The following NXPE2 variants were observed in gnomAD, a reference collection of about 807,000 sequenced individuals.
The protein encoded by NXPE2 is neurexophilin and PC-esterase domain family member 2.
Under a neutral mutation model 34.4 loss-of-function variants are expected in NXPE2, and 34 were observed. That is an observed-to-expected ratio of 0.99 (90% CI 0.75 to 1.31). The LOEUF (loss-of-function observed/expected upper bound fraction) is 1.31, where lower values mean the gene tolerates loss of function less well. Ranked by LOEUF, NXPE2 falls within the 40% of genes most tolerant of loss-of-function variation. The pLI is 0.00. For synonymous variants in NXPE2, 235 were observed against 231.3 expected (o/e 1.02, Z -0.15); for missense variants, 649 against 672.5 (o/e 0.97, Z 0.39).
At chr11:114,716,589 A>G in the NXPE2 span, among the ~76,000 whole-genome samples, 1 of 152,260 alleles carries the variant, frequency 6.6e-6, no homozygotes, top group Admixed American at 6.5e-5. Flanking sequence ...TGGTCAGTGT[A>G]TATGGAGAGG....
chr11:114,544,460 A>G, the NXPE2 span, among the ~76,000 whole-genome samples: 2 of 152,248 alleles, frequency 1.3e-5, no homozygotes, highest in Non-Finnish European at 1.5e-5. Context: ...ACATAGGCAC[A>G]AAGGCAATTT....
At chr11:114,554,148 T>A in the NXPE2 span, 1 of 985,330 alleles carries the variant, frequency 1.0e-6, no homozygotes, top group African/African-American at 1.7e-5. Context: ...CAGGATTGAA[T>A]CAATGTACAG....
the NXPE2 span, among the ~76,000 whole-genome samples, chr11:114,560,603 TGGGGAA>T: frequency 1.3e-5 from 2 of 152,076 alleles, no homozygotes; most frequent in Non-Finnish European, 2.9e-5. Flanking sequence ...ATCTAATAAA[TGGGGAA>T]GGACTATTTG....
At chr11:114,635,818 C>A in the NXPE2 span, among the ~76,000 whole-genome samples, 66 of 152,190 alleles carry the variant, frequency 4.3e-4, no homozygotes, top group African/African-American at 1.6e-3. Flanking sequence ...ATGAAGCCCA[C>A]TTGATCATGG....
At chr11:114,697,386 T>C (rs1420791197) in intron 2 of NXPE2, among the ~76,000 whole-genome samples, 1 of 152,204 alleles carries the variant, frequency 6.6e-6, no homozygotes, top group African/African-American at 2.4e-5. Context: ...GAGACATGTA[T>C]GGAATATATT....
At chr11:114,753,194 C>A in the NXPE2 span, among the ~76,000 whole-genome samples, 1 of 151,984 alleles carries the variant, frequency 6.6e-6, no homozygotes, top group African/African-American at 2.4e-5. Flanking sequence ...GAGTTTGAGA[C>A]CAGCCTAGGC....
chr11:114,644,576 A>C, the NXPE2 span, among the ~76,000 whole-genome samples: 1 of 152,216 alleles, frequency 6.6e-6, no homozygotes, highest in East Asian at 1.9e-4. Flanking sequence ...AAATTAAAAT[A>C]AGATATAAAA....
At chr11:114,743,598 C>T in the NXPE2 span, among the ~76,000 whole-genome samples, 2 of 151,908 alleles carry the variant, frequency 1.3e-5, no homozygotes, top group African/African-American at 4.8e-5. Flanking sequence ...ATGCTATTGC[C>T]TACTTTTTAT....
chr11:114,802,181 T>G, the NXPE2 span, among the ~76,000 whole-genome samples: 2 of 151,962 alleles, frequency 1.3e-5, no homozygotes, highest in African/African-American at 4.8e-5. Context: ...TTGGCAAGAG[T>G]GGGTCTGACC....
the NXPE2 span, among the ~76,000 whole-genome samples, chr11:114,508,844 A>C: frequency 2.6e-5 from 4 of 151,450 alleles, no homozygotes; most frequent in East Asian, 1.9e-4. Context: ...ACAGGCAAAG[A>C]TTTCATGATG....
the NXPE2 span, among the ~76,000 whole-genome samples, chr11:114,783,641 G>C: frequency 6.6e-5 from 10 of 152,200 alleles, no homozygotes; most frequent in African/African-American, 2.4e-4. Flanking sequence ...TTTACTCCTT[G>C]AGATTAATGG....
At chr11:114,699,356 C>G (rs1951322530) in intron 3 of NXPE2, among the ~76,000 whole-genome samples, 1 of 152,222 alleles carries the variant, frequency 6.6e-6, no homozygotes, top group Non-Finnish European at 1.5e-5. Flanking sequence ...ATTCTCCACA[C>G]TGCACCTAGA....
chr11:114,792,353 T>C, the NXPE2 span, among the ~76,000 whole-genome samples: 1 of 152,238 alleles, frequency 6.6e-6, no homozygotes, highest in African/African-American at 2.4e-5. Flanking sequence ...CTTATTTCTA[T>C]ATGCCCTTTA....
chr11:114,702,373 C>G (rs1048671868), intron 3 of NXPE2, among the ~76,000 whole-genome samples: 1 of 151,964 alleles, frequency 6.6e-6, no homozygotes, highest in African/African-American at 2.4e-5. Context: ...ACAAGGTAGC[C>G]GGGTCTCAAT....
chr11:114,676,137 A>G (rs1372570125), upstream of NXPE2, among the ~76,000 whole-genome samples: 2 of 151,992 alleles, frequency 1.3e-5, no homozygotes, highest in African/African-American at 4.8e-5. Context: ...AGGACCTGAA[A>G]CTGTAAAACT....
chr11:114,530,434 G>A, the NXPE2 span: 6 of 1,614,110 alleles, frequency 3.7e-6, no homozygotes, highest in African/African-American at 6.7e-5. Flanking sequence ...GCCCTCCAGA[G>A]AGCCGACGCC....
the NXPE2 span, among the ~76,000 whole-genome samples, chr11:114,761,618 C>T: frequency 3.7e-5 from 5 of 135,858 alleles, no homozygotes; most frequent in African/African-American, 1.4e-4. Context: ...CCAGGCCGGA[C>T]TGCGGACGGC....
chr11:114,607,858 C>T, the NXPE2 span, among the ~76,000 whole-genome samples: 1 of 151,842 alleles, frequency 6.6e-6, no homozygotes, highest in Non-Finnish European at 1.5e-5. Context: ...TTGCAGGTAA[C>T]CACTGTTACC....
the NXPE2 span, among the ~76,000 whole-genome samples, chr11:114,471,713 T>C: frequency 6.6e-6 from 1 of 152,172 alleles, no homozygotes; most frequent in South Asian, 2.1e-4. Flanking sequence ...TATTGAGCCT[T>C]GGGTTATCTC....
Sources: gnomAD v4.1 joint callset for allele counts (sites outside exome capture counted in the v4.1 genomes callset) on GRCh38, gnomAD v4.1.1 for gene constraint, MANE v1.5 for transcripts, NCBI Gene and HGNC (gene_info 2026-07-23, HGNC 2026-07-21) for gene names.